PTPRD: variants seen among roughly 807,000 people sequenced by gnomAD.
The protein encoded by PTPRD is protein tyrosine phosphatase receptor type D.
Under a neutral mutation model 214.5 loss-of-function variants are expected in PTPRD, and 34 were observed. The observed-to-expected ratio is 0.16, with a 90% CI of 0.12 to 0.21. The LOEUF (loss-of-function observed/expected upper bound fraction) is 0.21, where lower values mean the gene tolerates loss of function less well. Ranked by LOEUF, PTPRD falls within the 10% of genes least tolerant of loss-of-function variation. PTPRD has a pLI of 1.00. For missense variants in PTPRD, 2,545 were observed against 2,398.7 expected, an observed-to-expected ratio of 1.06 and a Z score of -1.27; for synonymous variants, 1,128 against 845.7, an observed-to-expected ratio of 1.33 and a Z score of -5.79.
intron 7 of PTPRD, among the ~76,000 whole-genome samples, chr9:9,615,476 T>G (rs188056044): frequency 3.6e-4 from 55 of 152,346 alleles, no homozygotes; most frequent in Admixed American, 2.2e-3. Flanking sequence ...CTTCCCTATT[T>G]GTCCTTCCTT....
intron 7 of PTPRD, among the ~76,000 whole-genome samples, chr9:9,576,296 G>C (rs190834931): frequency 3.9e-4 from 60 of 152,230 alleles, no homozygotes; most frequent in Middle Eastern, 3.4e-3. Flanking sequence ...CACTTGAGAG[G>C]TGATATAAAA....
At chr9:8,701,357 G>A (rs960429898) in intron 12 of PTPRD, 9 of 151,380 alleles carry the variant, frequency 5.9e-5, no homozygotes, top group Admixed American at 2.6e-4. Flanking sequence ...TTTCCCAGCC[G>A]GGCTCAGCGG....
intron 7 of PTPRD, among the ~76,000 whole-genome samples, chr9:9,697,513 C>G (rs1425744346): frequency 6.6e-6 from 1 of 152,002 alleles, no homozygotes; most frequent in African/African-American, 2.4e-5. Context: ...TTTCCCACTT[C>G]TACTGGCCTA....
chr9:9,871,107 T>C (rs1367757656), intron 5 of PTPRD, among the ~76,000 whole-genome samples: 4 of 152,264 alleles, frequency 2.6e-5, no homozygotes, highest in African/African-American at 7.2e-5. Context: ...CAGATACTAA[T>C]GGGTTCAACA....
chr9:9,109,919 G>C (rs948793397), intron 10 of PTPRD, among the ~76,000 whole-genome samples: 5 of 152,012 alleles, frequency 3.3e-5, no homozygotes, highest in African/African-American at 1.2e-4. Flanking sequence ...AGATGAGGGA[G>C]ACATTTCTAT....
chr9:9,187,285 T>G (rs1166273679), intron 9 of PTPRD, among the ~76,000 whole-genome samples: 1 of 152,092 alleles, frequency 6.6e-6, no homozygotes, highest in African/African-American at 2.4e-5. Flanking sequence ...GCTTTCATTC[T>G]CTTTCATTTA....
intron 9 of PTPRD, among the ~76,000 whole-genome samples, chr9:9,240,842 T>G (rs2099970030): frequency 6.6e-6 from 1 of 152,182 alleles, no homozygotes; most frequent in Non-Finnish European, 1.5e-5. Flanking sequence ...CTCATCAGGT[T>G]TCTAATCACG....
chr9:10,083,380 C>T (rs188601429), intron 3 of PTPRD, among the ~76,000 whole-genome samples: 85 of 152,042 alleles, frequency 5.6e-4, no homozygotes, highest in African/African-American at 1.8e-3. Flanking sequence ...ATTAGATTTT[C>T]AAAATGTGGC....
At chr9:10,071,716 T>C (rs555192692) in intron 3 of PTPRD, among the ~76,000 whole-genome samples, 3 of 152,102 alleles carry the variant, frequency 2.0e-5, no homozygotes, top group Admixed American at 6.6e-5. Context: ...GTGACTTGAT[T>C]TGGTGATGAG....
intron 5 of PTPRD, among the ~76,000 whole-genome samples, chr9:9,771,143 CAAGATT>C (rs1291908380): frequency 1.3e-5 from 2 of 152,074 alleles, no homozygotes; most frequent in Non-Finnish European, 2.9e-5. Context: ...TAAAGTTGCT[CAAGATT>C]ATGTTCTTTT....
intron 7 of PTPRD, among the ~76,000 whole-genome samples, chr9:9,654,399 G>T (rs1026671941): frequency 2.0e-5 from 3 of 152,048 alleles, no homozygotes; most frequent in Middle Eastern, 3.4e-3. Flanking sequence ...AAGTATGTTT[G>T]CAAATATATC....
At chr9:10,472,054 A>C (rs1182677654) in intron 2 of PTPRD, among the ~76,000 whole-genome samples, 2 of 152,128 alleles carry the variant, frequency 1.3e-5, no homozygotes, top group African/African-American at 4.8e-5. Flanking sequence ...AAAATGATAA[A>C]ATTTTTGCTA....
At chr9:8,924,096 A>G (rs1001977960) in intron 11 of PTPRD, among the ~76,000 whole-genome samples, 4 of 139,042 alleles carry the variant, frequency 2.9e-5, no homozygotes, top group African/African-American at 1.1e-4. Flanking sequence ...ATTTGTCTTC[A>G]TAAGGCGCAG....
chr9:10,296,830 C>A (rs113037159), intron 3 of PTPRD, among the ~76,000 whole-genome samples: 6 of 151,938 alleles, frequency 3.9e-5, no homozygotes, highest in Admixed American at 2.6e-4. Context: ...AATATAATGA[C>A]GATTGACCTC....
At chr9:9,298,251 T>TATCTTTTA (rs1233708459) in intron 9 of PTPRD, among the ~76,000 whole-genome samples, 1 of 151,680 alleles carries the variant, frequency 6.6e-6, no homozygotes, top group African/African-American at 2.4e-5. Flanking sequence ...AGCAGAGTTT[T>TATCTTTTA]ATCTTTTATT....
Position 9,920,023 on chromosome 9 carries a change from G to C in PTPRD, c.-368+18484C>G, listed in dbSNP as rs1033523967. 4.6e-5 allele frequency among the ~76,000 whole-genome samples: 7 copies of C among 151,918 alleles called. No homozygotes were observed. The South Asian group carries it at 8.3e-4, about 18-fold the overall frequency. ...ATCATAATCAAAGATCTTTTCTTGA[G>C]GTTACAATAAACGGGATTTAACCCA... On this transcript the variant is annotated intron_variant, in intron 5 of 45. Transcript: ENST00000381196.
chr9:10,391,795 T>C (rs1177963300), intron 2 of PTPRD, among the ~76,000 whole-genome samples: 2 of 151,830 alleles, frequency 1.3e-5, no homozygotes, highest in Non-Finnish European at 1.5e-5. Flanking sequence ...CCATTGCCCT[T>C]AGACCAGTAT....
At chr9:9,687,798 G>C (rs1409005091) in intron 7 of PTPRD, among the ~76,000 whole-genome samples, 2 of 151,850 alleles carry the variant, frequency 1.3e-5, no homozygotes, top group South Asian at 4.2e-4. Flanking sequence ...GTCTACTTAT[G>C]AGATAATTAT....
chr9:9,962,085 C>A (rs1587469619), intron 4 of PTPRD, among the ~76,000 whole-genome samples: 2 of 152,018 alleles, frequency 1.3e-5, no homozygotes, highest in Admixed American at 1.3e-4. Flanking sequence ...AGTTGCAGAA[C>A]ATCCTGGGTC....
Sources: gnomAD v4.1 joint callset for allele counts (sites outside exome capture counted in the v4.1 genomes callset) on GRCh38, gnomAD v4.1.1 for gene constraint, MANE v1.5 for transcripts, NCBI Gene and HGNC (gene_info 2026-07-23, HGNC 2026-07-21) for gene names.